GORASP2: variants seen among roughly 807,000 people sequenced by gnomAD.
GORASP2 encodes the protein golgi reassembly stacking protein 2, also known as Golgi reassembly-stacking protein 2.
A neutral mutation model predicts 45.7 loss-of-function variants in GORASP2; 22 were observed. The ratio of observed to expected loss-of-function variants is 0.48; its 90% confidence interval spans 0.34 to 0.69. GORASP2 has a LOEUF of 0.69. Among genes scored for constraint, GORASP2 ranks in the 30% least tolerant of loss-of-function variants. GORASP2 has a pLI of 0.01. For missense variants in GORASP2, 491 were observed against 562.7 expected (o/e 0.87, Z 1.29); for synonymous variants, 221 against 215.6 (o/e 1.02, Z -0.22).
intron 1 of GORASP2, among the ~76,000 whole-genome samples, chr2:170,930,515 C>T (rs912329411): frequency 7.9e-5 from 12 of 152,204 alleles, no homozygotes; most frequent in Non-Finnish European, 1.5e-4. Flanking sequence ...AGGTGAGACA[C>T]ATTCTTAAAT....
intron 1 of GORASP2, among the ~76,000 whole-genome samples, chr2:170,947,090 T>C (rs539369331): frequency 8.7e-4 from 133 of 152,334 alleles, no homozygotes; most frequent in African/African-American, 2.9e-3. Context: ...CTTGGAGTTA[T>C]GGAGAAACCC....
chr2:170,929,321 C>G lies in GORASP2; in HGVS notation c.-20C>G, dbSNP rs1416796702. On this transcript the variant is annotated 5_prime_UTR_variant, in exon 1 of 10. Transcript: ENST00000234160. ...GGAGCAGCGCGGAGCCCGGCTCGGC[C>G]ACACCGATCGCCCGCCGCCATGGGC... 1.5e-6 allele frequency: 2 copies of G among 1,357,006 alleles called. No individual in the cohort carries two copies. The highest frequency in any genetic ancestry group is 1.5e-5 in the African/African-American group (1 of 65,470). 84.1% of individuals were successfully genotyped at this position (1,357,006 alleles called of 1,614,324 possible).
chr2:170,949,861 C>A, intron 3 of GORASP2, 119 bp downstream of exon 3: 2 of 875,808 alleles, frequency 2.3e-6, no homozygotes, highest in Non-Finnish European at 1.8e-6. Flanking sequence ...GCAATTTTTG[C>A]CAAAAATCAG....
intron 1 of GORASP2, among the ~76,000 whole-genome samples, chr2:170,947,417 T>G (rs951334649): frequency 1.3e-5 from 2 of 152,228 alleles, no homozygotes; most frequent in East Asian, 3.8e-4. Context: ...ATCTTTACCT[T>G]TGAATGTTCT....
intron 1 of GORASP2, among the ~76,000 whole-genome samples, chr2:170,946,550 A>G (rs1031561045): frequency 2.0e-5 from 3 of 152,168 alleles, no homozygotes; most frequent in Non-Finnish European, 4.4e-5. Flanking sequence ...TATGAATTAT[A>G]TTAAAAGTAA....
rs1044287171 is a variant in GORASP2 at position 170,948,985 on chromosome 2, G to A, written c.145-554G>A. 7.9e-5 allele frequency among the ~76,000 whole-genome samples: 12 copies of A among 152,076 alleles called. No individual in the cohort carries two copies. In the East Asian group the frequency reaches 1.4e-3, roughly 17 times the overall value. On this transcript the variant is annotated intron_variant, in intron 2 of 9. Coordinates refer to ENST00000234160, the MANE Select transcript of GORASP2 (RefSeq NM_015530.5). Reference sequence around the variant, plus strand: ...TTCTTAGGACAGTAGCCACTTGGTTGGTTTAATTTTTCGTAACAGTCTTAA... The same window carrying A: ...TTCTTAGGACAGTAGCCACTTGGTTAGTTTAATTTTTCGTAACAGTCTTAA...
intron 1 of GORASP2, among the ~76,000 whole-genome samples, chr2:170,932,472 A>G (rs1482034335): frequency 2.0e-5 from 3 of 152,214 alleles, no homozygotes; most frequent in Non-Finnish European, 2.9e-5. Flanking sequence ...TTCTGTTATT[A>G]TAAGTACATA....
intron 2 of GORASP2, 171 bp from the exon 3 acceptor site, chr2:170,949,368 T>C (rs534063485): frequency 5.3e-4 from 86 of 162,910 alleles, no homozygotes; most frequent in South Asian, 2.0e-3. Flanking sequence ...ACGTAAGAGT[T>C]CTTAATTTCT....
chr2:170,940,979 A>G (rs369512486), intron 1 of GORASP2, among the ~76,000 whole-genome samples: 2 of 152,150 alleles, frequency 1.3e-5, no homozygotes, highest in South Asian at 4.1e-4. Flanking sequence ...CTAATCATTG[A>G]TGCAAATTTC....
intron 7 of GORASP2, among the ~76,000 whole-genome samples, chr2:170,958,040 C>T (rs1012628185): frequency 3.3e-5 from 5 of 152,160 alleles, no homozygotes; most frequent in African/African-American, 1.2e-4. Context: ...CTGTAATGGA[C>T]TTAAAACAGC....
upstream of GORASP2, chr2:170,929,209 G>A: frequency 1.6e-6 from 1 of 610,698 alleles, no homozygotes; most frequent in Non-Finnish European, 2.4e-6. Context: ...TCTCCCGGCG[G>A]GCTGTGCGGC....
At chr2:170,941,234 C>T (rs538144333) in intron 1 of GORASP2, among the ~76,000 whole-genome samples, 1 of 152,124 alleles carries the variant, frequency 6.6e-6, no homozygotes. Flanking sequence ...TTCTACCTAT[C>T]CATGTTTTGG....
chr2:170,940,802 T>A (rs1169465919), intron 1 of GORASP2, among the ~76,000 whole-genome samples: 1 of 152,204 alleles, frequency 6.6e-6, no homozygotes, highest in East Asian at 1.9e-4. Flanking sequence ...AGGCCTTTAT[T>A]ATATCATGCA....
chr2:170,955,275 A>C (rs1704398848), intron 6 of GORASP2, among the ~76,000 whole-genome samples: 1 of 152,056 alleles, frequency 6.6e-6, no homozygotes, highest in Non-Finnish European at 1.5e-5. Context: ...GGACAAACAA[A>C]CTGCAGGTCA....
Position 170,965,798 on chromosome 2 carries a change from C to T in GORASP2, c.1027C>T (p.Pro343Ser), listed in dbSNP as rs771473128. The T allele has an allele frequency of 1.2e-6, 2 of 1,613,504 alleles. No individual in the cohort carries two copies. Among genetic ancestry groups the T allele is most frequent in the Non-Finnish European group, 1.7e-6 (2 of 1,179,460 alleles). Reference protein sequence around the residue: ...LPELVNPGLPPLPSMPPRNLP... With the variant: ...LPELVNPGLPSLPSMPPRNLP... ...TGCCGTTTTTGTCCTAGGTCTGCCA[C>T]CTCTTCCTTCCATGCCTCCCCGAAA... is the stretch of plus-strand genomic sequence containing the variant. The change falls in exon 10 of 10, where the codon CCT becomes TCT. Residue 343 changes from proline to serine, a missense_variant. Coordinates refer to ENST00000234160, the MANE Select transcript of GORASP2 (RefSeq NM_015530.5).
chr2:170,942,471 A>C (rs1267993756), intron 1 of GORASP2, among the ~76,000 whole-genome samples: 3 of 152,208 alleles, frequency 2.0e-5, no homozygotes, highest in Non-Finnish European at 2.9e-5. Flanking sequence ...TAATTGAATC[A>C]AACAATATGT....
At chr2:170,944,279 C>G (rs987253269) in intron 1 of GORASP2, among the ~76,000 whole-genome samples, 2 of 152,180 alleles carry the variant, frequency 1.3e-5, no homozygotes, top group Admixed American at 6.5e-5. Flanking sequence ...TTCCATGCTA[C>G]AAAATATAGG....
chr2:170,956,272 C>T (rs964891576), intron 6 of GORASP2, among the ~76,000 whole-genome samples, 164 bp from the exon 7 acceptor site: 38 of 152,248 alleles, frequency 2.5e-4, no homozygotes, highest in Admixed American at 1.5e-3. Flanking sequence ...GTGACATGTA[C>T]CAAAATTAGG....
At position 170,936,618 on chromosome 2, in the gene GORASP2, T is replaced by C. The variant is rs748938920; in HGVS notation, c.63+7215T>C. ...ATTATTCTGGGGTTTTGTTCTCTCT[T>C]TTAAGCATCAATGAGAGAAGGCTCA... On this transcript the variant is annotated intron_variant, in intron 1 of 9. Coordinates refer to ENST00000234160, the MANE Select transcript of GORASP2 (RefSeq NM_015530.5). 21 of 1,298,254 alleles carry C rather than the reference T, an allele frequency of 1.6e-5. No individual in the cohort carries two copies. The South Asian group carries it at 2.6e-4, about 16-fold the overall frequency. 80.4% of individuals were successfully genotyped at this position (1,298,254 alleles called of 1,614,324 possible).
Sources: allele counts gnomAD v4.1 joint callset (sites outside exome capture counted in the v4.1 genomes callset), GRCh38; gene constraint gnomAD v4.1.1; transcripts MANE v1.5; gene names NCBI Gene and HGNC (gene_info 2026-07-23, HGNC 2026-07-21).